Variants in RSPH9 observed in about 807,000 individuals in gnomAD.
The protein encoded by RSPH9 is radial spoke head component 9, also known as radial spoke head protein 9 homolog.
Under a neutral mutation model 27.0 loss-of-function variants are expected in RSPH9, and 27 were observed. The observed-to-expected ratio is 1.00, with a 90% CI of 0.74 to 1.38. The LOEUF is 1.38. Among genes scored for constraint, RSPH9 ranks in the 40% most tolerant of loss-of-function variants. RSPH9 has a pLI of 0.00. For synonymous variants in RSPH9, 145 were observed against 147.7 expected (o/e 0.98, Z 0.13); for missense variants, 347 against 357.4 (o/e 0.97, Z 0.24).
chr6:43,650,687 A>C, intron 2 of RSPH9, 147 bp downstream of exon 2: 1 of 789,352 alleles, frequency 1.3e-6, no homozygotes, highest in South Asian at 1.5e-5. Flanking sequence ...CGGGTGGATC[A>C]TGAGGTCAGG....
intron 4 of RSPH9, among the ~76,000 whole-genome samples, chr6:43,664,930 A>AG (rs1353619936): frequency 1.3e-5 from 2 of 152,160 alleles, no homozygotes; most frequent in Non-Finnish European, 2.9e-5. Context: ...CCAGGGGCTG[A>AG]GGGGTGGGCC....
chr6:43,663,310 C>T, intron 4 of RSPH9, among the ~76,000 whole-genome samples: 1 of 152,110 alleles, frequency 6.6e-6, no homozygotes, highest in East Asian at 1.9e-4. Context: ...CCTCCGCCTC[C>T]TGGGTTCAAG....
In RSPH9 at chr6:43,645,367, C is replaced by T. The variant is rs200367700; in HGVS notation, c.227+42C>T. 3,162 of 235,318 alleles carry T rather than the reference C, an allele frequency of 0.013. 47 individuals are homozygous for T. The highest frequency in any genetic ancestry group is 0.11 in the African/African-American group (2,453 of 21,566). The allele number at this position is 235,318 out of a possible 1,614,324, so 14.6% of individuals were successfully genotyped here. On this transcript the variant is annotated intron_variant, in intron 1 of 4. Transcript: ENST00000372163. Reference sequence around the variant, plus strand: ...GACGGGCTCCCCAGAGGGTGGCTACCTGGAGGCAGGGCGGGGTGGGCGGGT... The same window carrying T: ...GACGGGCTCCCCAGAGGGTGGCTACTTGGAGGCAGGGCGGGGTGGGCGGGT...
chr6:43,666,909 A>G (rs1773192910), intron 4 of RSPH9, among the ~76,000 whole-genome samples: 1 of 152,036 alleles, frequency 6.6e-6, no homozygotes, highest in South Asian at 2.1e-4. Flanking sequence ...CACCACGCCT[A>G]ATTTTTGTAT....
chr6:43,652,894 C>T (rs1771631762), intron 2 of RSPH9, among the ~76,000 whole-genome samples: 2 of 152,188 alleles, frequency 1.3e-5, no homozygotes, highest in Admixed American at 6.6e-5. Context: ...TCTTGGCTCA[C>T]TGCAGCCTCC....
At chr6:43,653,619 C>G (rs568177364) in intron 2 of RSPH9, among the ~76,000 whole-genome samples, 4 of 152,266 alleles carry the variant, frequency 2.6e-5, no homozygotes, top group African/African-American at 9.6e-5. Flanking sequence ...CTGGGTGATG[C>G]CGAAAGTCTG....
intron 2 of RSPH9, among the ~76,000 whole-genome samples, chr6:43,651,650 G>A (rs1288573455): frequency 6.6e-6 from 1 of 151,944 alleles, no homozygotes; most frequent in South Asian, 2.1e-4. Context: ...CTGGGTTCAA[G>A]CAATTCTCCT....
intron 4 of RSPH9, among the ~76,000 whole-genome samples, chr6:43,665,871 T>G (rs1004707822): frequency 6.6e-6 from 1 of 151,880 alleles, no homozygotes; most frequent in African/African-American, 2.4e-5. Flanking sequence ...CTGGCTGGAG[T>G]GCAGTGGCCA....
chr6:43,650,993 C>G (rs1771413419), intron 2 of RSPH9, among the ~76,000 whole-genome samples: 1 of 150,352 alleles, frequency 6.7e-6, no homozygotes, highest in Non-Finnish European at 1.5e-5. Flanking sequence ...AGGAATATCA[C>G]TATGTTACCC....
intron 2 of RSPH9, 25 bp from the exon 3 acceptor site, chr6:43,655,537 G>C (rs201907045): frequency 6.2e-7 from 1 of 1,613,914 alleles, no homozygotes; most frequent in Non-Finnish European, 8.5e-7. Context: ...GCCCTGGCAG[G>C]GGGGCTCCTC....
chr6:43,664,726 A>AG (rs1295356204), intron 4 of RSPH9, among the ~76,000 whole-genome samples: 1 of 152,150 alleles, frequency 6.6e-6, no homozygotes, highest in Non-Finnish European at 1.5e-5. Flanking sequence ...GACAGAGAGG[A>AG]GGGTCTCCGG....
In RSPH9 at chr6:43,650,627, C is replaced by T. The variant is rs1046293028; in HGVS notation, c.393+87C>T. On this transcript the variant is annotated intron_variant, in intron 2 of 4. Coordinates refer to ENST00000372163, the MANE Select transcript of RSPH9 (RefSeq NM_152732.5). ...GCCTAATAGAAATTATGGCAACAGG[C>T]TGGGCACGGTGGCTCACGCCTGTAA... 1.3e-5 allele frequency: 19 copies of T among 1,465,952 alleles called. No individual in the cohort carries two copies. In the African/African-American group the frequency reaches 2.5e-4, roughly 19 times the overall value. 90.8% of individuals were successfully genotyped at this position (1,465,952 alleles called of 1,614,324 possible).
In RSPH9 at chr6:43,645,111, A is replaced by C; in HGVS notation, c.13A>C (p.Ser5Arg). ...AGCCGCTGACCTGATGGACGCCGAC[A>C]GCCTCCTGCTGTCTCTGGAGCTGGC... Reference protein sequence around the residue: MDADSLLLSLELASG... With the variant: MDADRLLLSLELASG... The change falls in exon 1 of 5, where the codon AGC (serine) becomes CGC (arginine). Residue 5 changes from serine to arginine, a missense_variant. Physicochemically the swap from Ser to Arg is moderately radical, Grantham distance 110 (BLOSUM62 -1). Transcript: ENST00000372163. 1.2e-6 allele frequency: 2 copies of C among 1,612,098 alleles called. No individual in the cohort carries two copies. The highest frequency in any genetic ancestry group is 1.7e-6 in the Non-Finnish European group (2 of 1,179,928).
chr6:43,658,449 A>G (rs1582389061), intron 4 of RSPH9, among the ~76,000 whole-genome samples: 1 of 152,284 alleles, frequency 6.6e-6, no homozygotes, highest in South Asian at 2.1e-4. Context: ...ATAGTTTGTT[A>G]AGTATGCAAT....
chr6:43,655,226 T>C (rs1771877596), intron 2 of RSPH9, among the ~76,000 whole-genome samples: 1 of 152,208 alleles, frequency 6.6e-6, no homozygotes, highest in Non-Finnish European at 1.5e-5. Context: ...GCTGATAGGA[T>C]GGTATGCCTC....
chr6:43,645,118 T>G lies in RSPH9; in HGVS notation c.20T>G (p.Leu7Arg). The G allele has an allele frequency of 1.2e-6, 2 of 1,612,538 alleles. No homozygotes were observed. Among genetic ancestry groups the G allele is most frequent in the Non-Finnish European group, 1.7e-6 (2 of 1,179,940 alleles). Residue 7 changes from leucine (L) to arginine (R), a missense_variant, in exon 1 of 5, where the codon CTG becomes CGG. Leu to Arg is a moderately radical substitution (Grantham distance 102). Coordinates refer to ENST00000372163, the MANE Select transcript of RSPH9 (RefSeq NM_152732.5). ...GACCTGATGGACGCCGACAGCCTCC[T>G]GCTGTCTCTGGAGCTGGCGTCCGGC... is the stretch of plus-strand genomic sequence containing the variant. MDADSL[L>R]LSLELASGSG...
chr6:43,649,664 A>T (rs1771243091), intron 1 of RSPH9, among the ~76,000 whole-genome samples: 1 of 152,086 alleles, frequency 6.6e-6, no homozygotes, highest in African/African-American at 2.4e-5. Flanking sequence ...AAGGCCTCAG[A>T]GGAGAAGTTC....
At chr6:43,648,911 A>T (rs1399539457) in intron 1 of RSPH9, among the ~76,000 whole-genome samples, 2 of 152,180 alleles carry the variant, frequency 1.3e-5, no homozygotes, top group African/African-American at 4.8e-5. Context: ...TGTCAGAGGA[A>T]ATAGAACTGG....
At chr6:43,646,348 A>T (rs1006016055) in intron 1 of RSPH9, among the ~76,000 whole-genome samples, 5 of 150,856 alleles carry the variant, frequency 3.3e-5, no homozygotes, top group Admixed American at 3.3e-4. Flanking sequence ...GTTAGCTAGG[A>T]TGGTCTCGAT....
Sources: gnomAD v4.1 joint callset for allele counts (sites outside exome capture counted in the v4.1 genomes callset) on GRCh38, gnomAD v4.1.1 for gene constraint, MANE v1.5 for transcripts, NCBI Gene and HGNC (gene_info 2026-07-23, HGNC 2026-07-21) for gene names.